PRR5: variants seen among roughly 807,000 people sequenced by gnomAD.
PRR5 encodes proline rich 5.
PRR5 carries 25 observed loss-of-function variants against 30.6 expected under a neutral mutation model. That is an observed-to-expected ratio of 0.82 (90% CI 0.60 to 1.14). PRR5 has a LOEUF of 1.14. PRR5 is among the 50% of genes most tolerant of loss of function. The probability of loss-of-function intolerance (pLI) is 0.00; values close to 1 mark genes in which losing one functional copy is unlikely to be tolerated. For synonymous variants in PRR5, 286 were observed against 247.1 expected (o/e 1.16, Z -1.48); for missense variants, 600 against 547.1 (o/e 1.10, Z -0.96).
At chr22:44,673,906 C>T (rs529379130), upstream of PRR5, among the ~76,000 whole-genome samples, 4 of 152,314 alleles carry the variant, frequency 2.6e-5, no homozygotes, top group Admixed American at 6.5e-5. Context: ...ACAAAGAGGA[C>T]AGACAGTAGC....
chr22:44,708,163 G>A (rs1331252823), intron 1 of PRR5, among the ~76,000 whole-genome samples: 3 of 152,116 alleles, frequency 2.0e-5, no homozygotes, highest in Non-Finnish European at 4.4e-5. Context: ...ACACGCCACT[G>A]CACTCCAGCC....
intron 1 of PRR5, among the ~76,000 whole-genome samples, chr22:44,705,400 T>G (rs945833717): frequency 3.9e-5 from 6 of 152,192 alleles, no homozygotes; most frequent in Non-Finnish European, 8.8e-5. Context: ...CTCAGCTCAC[T>G]GCAGCTTCTG....
At position 44,735,074 on chromosome 22, in the gene PRR5, G is replaced by A. The variant is rs776170804; in HGVS notation, c.603G>A (p.Glu201=). ...RGVTEDYLRL[E]TLVQKVVSPY... ...TGACTGAGGACTACCTGCGCCTGGA[G>A]ACGCTGGTCCAGAAGGTGGTGTCGC... The change falls in exon 7 of 8, where the codon GAG becomes GAA. Residue 201 remains glutamate (E), a synonymous_variant. Transcript: ENST00000336985. 4 of 1,612,064 alleles carry A rather than the reference G, an allele frequency of 2.5e-6. No individual in the cohort carries two copies. In the Admixed American group the frequency reaches 6.7e-5, roughly 27 times the overall value.
intron 4 of PRR5, chr22:44,731,297 G>A (rs761360257): frequency 2.2e-5 from 6 of 274,438 alleles, no homozygotes; most frequent in South Asian, 8.4e-5. Flanking sequence ...CTACCTGTGC[G>A]GGTCTCACCT....
intron 4 of PRR5, chr22:44,730,627 T>C: frequency 9.9e-7 from 1 of 1,010,084 alleles, no homozygotes; most frequent in Non-Finnish European, 1.2e-6. Context: ...CCTGTCAAGA[T>C]GTGTCCCCAT....
chr22:44,704,029 G>C (rs921314340), intron 1 of PRR5, among the ~76,000 whole-genome samples: 3 of 152,196 alleles, frequency 2.0e-5, no homozygotes, highest in African/African-American at 7.2e-5. Context: ...GTGGTCTTGA[G>C]CAAGTCAGGT....
chr22:44,714,125 G>T (rs1302343932), intron 1 of PRR5, among the ~76,000 whole-genome samples: 1 of 63,690 alleles, frequency 1.6e-5, no homozygotes, highest in Non-Finnish European at 3.0e-5. Flanking sequence ...TTTACAAACA[G>T]GGGCAGGAAG....
intron 6 of PRR5, chr22:44,734,429 G>A (rs1206874531): frequency 6.5e-6 from 1 of 152,674 alleles, no homozygotes; most frequent in Non-Finnish European, 1.5e-5. Flanking sequence ...AGGTCCCAGA[G>A]CTTTTGTCCC....
rs1219919738 is a variant in PRR5 at position 44,691,924 on chromosome 22, C to T, written c.-10-10568C>T. 5.9e-5 allele frequency among the ~76,000 whole-genome samples: 9 copies of T among 152,110 alleles called. No homozygotes were observed. In the South Asian group the frequency reaches 6.2e-4, roughly 11 times the overall value. ...GGGCCTTGCCAGTGTCCAGAGGAGC[C>T]GACATCACCTCCACAGTCGGCTCTG... On this transcript the variant is annotated intron_variant, in intron 1 of 8. Coordinates refer to the PRR5 transcript ENST00000006251. This position sits in a 1 kb window ranked among gnomAD's most constrained non-coding sequence, Gnocchi z 4.4.
chr22:44,722,967 C>G (rs1399027747), intron 2 of PRR5, among the ~76,000 whole-genome samples: 1 of 151,292 alleles, frequency 6.6e-6, no homozygotes, highest in Non-Finnish European at 1.5e-5. Flanking sequence ...GACAATTGTT[C>G]CATAATCTTT....
At chr22:44,734,863 C>T in intron 6 of PRR5, 164 bp from the exon 7 acceptor site, 1 of 927,484 alleles carries the variant, frequency 1.1e-6, no homozygotes, top group Non-Finnish European at 1.6e-6. Flanking sequence ...CTGAGAGGGG[C>T]TGGGAGGCCA....
At chr22:44,723,745 A>C (rs1171659998) in intron 2 of PRR5, among the ~76,000 whole-genome samples, 1 of 152,228 alleles carries the variant, frequency 6.6e-6, no homozygotes, top group East Asian at 1.9e-4. Context: ...AAAATAAAAC[A>C]GTGGGAACAT....
At chr22:44,679,737 C>T in intron 1 of PRR5, 11 of 1,376,942 alleles carry the variant, frequency 8.0e-6, no homozygotes, top group Non-Finnish European at 9.0e-6. Context: ...AATAGTAAGA[C>T]TCAGCCTCCC....
intron 1 of PRR5, among the ~76,000 whole-genome samples, chr22:44,669,908 G>T (rs1051131880): frequency 6.6e-6 from 1 of 152,168 alleles, no homozygotes; most frequent in African/African-American, 2.4e-5. Flanking sequence ...TTCTGCACTC[G>T]GCGCAGCCTC....
upstream of PRR5, among the ~76,000 whole-genome samples, chr22:44,698,091 A>T (rs1925924236): frequency 6.6e-6 from 1 of 152,208 alleles, no homozygotes; most frequent in Non-Finnish European, 1.5e-5. Context: ...GGGCTGAGCC[A>T]GGCTTAGGGA....
chr22:44,702,110 G>GC, upstream of PRR5: 2 of 222,298 alleles, frequency 9.0e-6, no homozygotes, highest in Non-Finnish European at 1.6e-5. Context: ...CTCGCCTGAG[G>GC]CCCCGCCCCG....
rs1926439416 is a variant in PRR5 at position 44,702,293 on chromosome 22, C to G, written c.-182C>G. Reference sequence around the variant, plus strand: ...GCAATGATTAACCCGGCGGGGCGGCCGGCGCGGGACCCGAGACGGAGGCGC... The same window carrying G: ...GCAATGATTAACCCGGCGGGGCGGCGGGCGCGGGACCCGAGACGGAGGCGC... On this transcript the variant is annotated 5_prime_UTR_variant, in exon 1 of 8. Coordinates refer to ENST00000336985, the MANE Select transcript of PRR5 (RefSeq NM_181333.4). 1 of 1,147,052 alleles carries G rather than the reference C, an allele frequency of 8.7e-7. No homozygotes were observed. The highest frequency in any genetic ancestry group is 1.1e-6 in the Non-Finnish European group (1 of 929,434). 71.1% of individuals were successfully genotyped at this position (1,147,052 alleles called of 1,614,324 possible). A position where few individuals can be genotyped will look rare whatever the true frequency, so the allele number is the denominator to read the frequency against.
intron 3 of PRR5, among the ~76,000 whole-genome samples, chr22:44,725,634 C>T (rs1920930932): frequency 6.6e-6 from 1 of 151,850 alleles, no homozygotes; most frequent in Admixed American, 6.6e-5. Context: ...TCACGCCTGG[C>T]TAATTTTTGT....
At position 44,736,871 on chromosome 22, in the gene PRR5, A is replaced by G. The variant is rs1212321416; in HGVS notation, c.791A>G (p.Gln264Arg). The change falls in exon 8 of 8, where the codon CAG (glutamine) becomes CGG (arginine). Residue 264 changes from glutamine (Q) to arginine (R), a missense_variant. Transcript: ENST00000336985. ...AACACGCCTCTGCTGAACCCCGTGC[A>G]GGAGCACGAGGCGGAGGGCGCGGCG... is the stretch of plus-strand genomic sequence containing the variant. ...SYNTPLLNPV[Q>R]EHEAEGAAAG... 6.2e-7 allele frequency: 1 copy of G among 1,609,666 alleles called. No homozygotes were observed. Among genetic ancestry groups the G allele is most frequent in the Non-Finnish European group, 8.5e-7 (1 of 1,178,298 alleles).
Sources: allele counts gnomAD v4.1 joint callset (sites outside exome capture counted in the v4.1 genomes callset), GRCh38; gene constraint gnomAD v4.1.1; non-coding constraint Gnocchi (gnomAD v3.1); transcripts MANE v1.5; gene names NCBI Gene and HGNC (gene_info 2026-07-23, HGNC 2026-07-21).